CNOT2: variants seen among roughly 807,000 people sequenced by gnomAD.
CNOT2 encodes CC chemokine receptor 4-negative regulator of transcription 2.
Under a neutral mutation model 72.1 loss-of-function variants are expected in CNOT2, and 7 were observed. The ratio of observed to expected loss-of-function variants is 0.10; its 90% CI spans 0.06 to 0.18. The LOEUF is 0.18. Among genes scored for constraint, CNOT2 ranks in the 10% least tolerant of loss-of-function variants. The pLI, the probability that CNOT2 is intolerant of heterozygous loss-of-function variation, is 1.00. For synonymous variants in CNOT2, 196 were observed against 225.6 expected (o/e 0.87, Z 1.17); for missense variants, 345 against 660.3 (o/e 0.52, Z 5.23).
At chr12:70,288,088 T>G (rs1644813478) in intron 2 of CNOT2, among the ~76,000 whole-genome samples, 1 of 149,444 alleles carries the variant, frequency 6.7e-6, no homozygotes, top group African/African-American at 2.4e-5. Context: ...ACATCAAGAT[T>G]TTTTGCTGTC....
At chr12:70,316,555 C>T (rs191733541) in intron 3 of CNOT2, among the ~76,000 whole-genome samples, 1 of 152,270 alleles carries the variant, frequency 6.6e-6, no homozygotes, top group Admixed American at 6.5e-5. Context: ...TAAGATATGT[C>T]TGTATAGCTG....
intron 1 of CNOT2, among the ~76,000 whole-genome samples, chr12:70,254,867 G>A (rs1958345284): frequency 6.6e-6 from 1 of 151,774 alleles, no homozygotes; most frequent in Non-Finnish European, 1.5e-5. Flanking sequence ...TCTAATCCGA[G>A]ATGCTTGGGA....
intron 13 of CNOT2, 106 bp downstream of exon 13, chr12:70,342,413 C>T (rs1230983119): frequency 2.4e-6 from 3 of 1,270,900 alleles, no homozygotes; most frequent in African/African-American, 1.5e-5. Context: ...GTAATGGTCT[C>T]AGGGATATGC....
intron 1 of CNOT2, among the ~76,000 whole-genome samples, chr12:70,276,885 A>G (rs1211618466): frequency 6.6e-6 from 1 of 152,036 alleles, no homozygotes; most frequent in Non-Finnish European, 1.5e-5. Context: ...GATGAAACAT[A>G]AAAGAGGAGC....
At chr12:70,316,487 A>G (rs1877359098) in intron 3 of CNOT2, among the ~76,000 whole-genome samples, 1 of 152,140 alleles carries the variant, frequency 6.6e-6, no homozygotes, top group African/African-American at 2.4e-5. Context: ...GTTCTTAGGG[A>G]TAGACTTTAT....
At chr12:70,280,693 T>A (rs1869664737) in intron 2 of CNOT2, among the ~76,000 whole-genome samples, 1 of 152,206 alleles carries the variant, frequency 6.6e-6, no homozygotes, top group Admixed American at 6.5e-5. Flanking sequence ...AGGAATTAAG[T>A]TTAGGAAGGT....
intron 1 of CNOT2, among the ~76,000 whole-genome samples, chr12:70,258,779 G>T (rs1425915213): frequency 1.3e-5 from 2 of 152,218 alleles, no homozygotes; most frequent in Non-Finnish European, 2.9e-5. Flanking sequence ...CAAGGCGTGA[G>T]CCTGTGGTGA....
intron 1 of CNOT2, among the ~76,000 whole-genome samples, chr12:70,251,185 G>A (rs758802767): frequency 1.3e-5 from 2 of 152,104 alleles, no homozygotes; most frequent in African/African-American, 2.4e-5. Flanking sequence ...TTTGTGCTGT[G>A]CACTATTATA....
chr12:70,313,236 C>T (rs76208102), intron 3 of CNOT2, among the ~76,000 whole-genome samples: 4,092 of 151,942 alleles, frequency 0.027, 112 homozygotes, highest in African/African-American at 0.059. Context: ...TTCTATTTCT[C>T]TATTGAGATC....
chr12:70,276,056 A>G (rs190503784), intron 1 of CNOT2, among the ~76,000 whole-genome samples: 1 of 152,178 alleles, frequency 6.6e-6, no homozygotes, highest in Non-Finnish European at 1.5e-5. Context: ...ACTCCAGGCC[A>G]TGAAATATTT....
At chr12:70,275,871 A>G (rs1409498821) in intron 1 of CNOT2, among the ~76,000 whole-genome samples, 1 of 152,082 alleles carries the variant, frequency 6.6e-6, no homozygotes, top group Non-Finnish European at 1.5e-5. Flanking sequence ...TTTATTTAAT[A>G]TAGTACAGTG....
chr12:70,303,395 A>C (rs146237992), intron 2 of CNOT2, among the ~76,000 whole-genome samples: 3,674 of 152,156 alleles, frequency 0.024, 141 homozygotes, highest in African/African-American at 0.083. Flanking sequence ...TTCATGAGCT[A>C]TTTTAGGGCA....
In CNOT2 at chr12:70,349,032, G is replaced by A. The variant is rs151331821; in HGVS notation, c.1536+2708G>A. On this transcript the variant is annotated intron_variant, in intron 15 of 15. Coordinates refer to ENST00000229195, the MANE Select transcript of CNOT2 (RefSeq NM_014515.7). ...GTTTGTTGGTACCTTGCACTGACACGCTTTAAAATTATTTTCATAGTAATG... is the reference window on the plus strand; with the variant it reads ...GTTTGTTGGTACCTTGCACTGACACACTTTAAAATTATTTTCATAGTAATG... 7.6e-3 allele frequency among the ~76,000 whole-genome samples: 1,150 copies of A among 151,992 alleles called. 6 individuals carry two copies. Among genetic ancestry groups the A allele is most frequent in the Admixed American group, 9.7e-3 (148 of 15,268 alleles).
At chr12:70,283,466 T>TAGA (rs1437051651) in intron 2 of CNOT2, among the ~76,000 whole-genome samples, 15 of 128,412 alleles carry the variant, frequency 1.2e-4, no homozygotes, top group South Asian at 5.2e-4. Flanking sequence ...AGTCAGTCGA[T>TAGA]TGATAGATAG....
intron 2 of CNOT2, among the ~76,000 whole-genome samples, chr12:70,280,848 T>C (rs1869690259): frequency 1.3e-5 from 2 of 152,228 alleles, no homozygotes; most frequent in Admixed American, 6.5e-5. Context: ...TTGAATACAG[T>C]AGCTGAAGTT....
chr12:70,276,592 G>A (rs778941912), intron 1 of CNOT2, among the ~76,000 whole-genome samples: 4 of 151,946 alleles, frequency 2.6e-5, no homozygotes, highest in Non-Finnish European at 4.4e-5. Context: ...GGAGCCAAAT[G>A]TGCGTCATTT....
At chr12:70,253,501 T>C (rs1958254904) in intron 1 of CNOT2, among the ~76,000 whole-genome samples, 1 of 152,148 alleles carries the variant, frequency 6.6e-6, no homozygotes, top group Admixed American at 6.5e-5. Context: ...TACCATTGAG[T>C]ACGTGCTCAT....
intron 13 of CNOT2, 110 bp downstream of exon 13, chr12:70,342,417 G>T: frequency 1.6e-6 from 2 of 1,260,598 alleles, no homozygotes; most frequent in South Asian, 2.7e-5. Flanking sequence ...TGGTCTCAGG[G>T]ATATGCTTTC....
chr12:70,286,975 T>C (rs1212843865), intron 2 of CNOT2, among the ~76,000 whole-genome samples: 1 of 152,058 alleles, frequency 6.6e-6, no homozygotes, highest in Non-Finnish European at 1.5e-5. Context: ...GTTATTGAAA[T>C]ATAGTTGACT....
Sources: gnomAD v4.1 joint callset for allele counts (sites outside exome capture counted in the v4.1 genomes callset) on GRCh38, gnomAD v4.1.1 for gene constraint, MANE v1.5 for transcripts, NCBI Gene and HGNC (gene_info 2026-07-23, HGNC 2026-07-21) for gene names.